The following EVC2 variants were observed in gnomAD, a reference collection of about 807,000 sequenced individuals.
The protein encoded by EVC2 is limbin.
Under a neutral mutation model 149.3 loss-of-function variants are expected in EVC2, and 148 were observed. The ratio of observed to expected loss-of-function variants is 0.99; its 90% confidence interval spans 0.87 to 1.14. EVC2 has a LOEUF of 1.14. Among genes scored for constraint, EVC2 ranks in the 50% most tolerant of loss-of-function variants. The pLI is 0.00. For missense variants in EVC2, 1,854 were observed against 1,627.3 expected (o/e 1.14, Z -2.40); for synonymous variants, 776 against 649.9 (o/e 1.19, Z -2.95).
Position 5,623,338 on chromosome 4 carries a change from A to T in EVC2, c.2047-347T>A, listed in dbSNP as rs901992765. 5.4e-4 allele frequency among the ~76,000 whole-genome samples: 79 copies of T among 145,668 alleles called. 1 individual carries two copies. The highest frequency in any genetic ancestry group is 1.4e-3 in the African/African-American group (56 of 39,386). On this transcript the variant is annotated intron_variant, in intron 13 of 21. Transcript: ENST00000344408. ...AAAAACTAATTTATTTTATTTATTT[A>T]TTTTTTTTATTTTTTTTTTGAGACA...
chr4:5,655,305 T>C (rs1250327335), intron 9 of EVC2, among the ~76,000 whole-genome samples: 1 of 152,220 alleles, frequency 6.6e-6, no homozygotes, highest in Non-Finnish European at 1.5e-5. Flanking sequence ...GCCAGCCATC[T>C]GGTGCTCCAG....
Position 5,562,653 on chromosome 4 carries a change from G to C in EVC2, c.*195C>G. 1 of 1,452,360 alleles carries C rather than the reference G, an allele frequency of 6.9e-7. No homozygotes were observed. The highest frequency in any genetic ancestry group is 1.4e-5 in the African/African-American group (1 of 70,306). 90.0% of individuals were successfully genotyped at this position (1,452,360 alleles called of 1,614,324 possible). ...GTGTTTATGTCCTTGTGATATGGAAGAGAGTGGGCCATCTGGAAATTCATG... is the reference window on the plus strand; with the variant it reads ...GTGTTTATGTCCTTGTGATATGGAACAGAGTGGGCCATCTGGAAATTCATG... On this transcript the variant is annotated 3_prime_UTR_variant, in exon 22 of 22. Transcript: ENST00000344408. The surrounding 1 kb of genome is among the most constrained non-coding windows in gnomAD (Gnocchi z 4.3).
Position 5,708,342 on chromosome 4 carries a change from G to A in EVC2, c.172C>T (p.Pro58Ser). The change falls in exon 1 of 22, where the codon CCC (proline) becomes TCC (serine). Residue 58 changes from proline to serine, a missense_variant. Coordinates refer to ENST00000344408, the MANE Select transcript of EVC2 (RefSeq NM_147127.5). ...CGCCCCGGAGGGATCCTCAGGCCGG[G>A]CCCAGACCTAGGAGCCACCTGGGGA... Reference protein sequence around the residue: ...RDPQVAPRSGPGLRIPPGRSG... With the variant: ...RDPQVAPRSGSGLRIPPGRSG... 3.4e-6 allele frequency: 5 copies of A among 1,485,296 alleles called. No individual in the cohort carries two copies. In the South Asian group the frequency reaches 5.2e-5, roughly 15 times the overall value. 92.0% of individuals were successfully genotyped at this position (1,485,296 alleles called of 1,614,324 possible). A position where few individuals can be genotyped will look rare whatever the true frequency, so the allele number is the denominator to read the frequency against.
intron 1 of EVC2, among the ~76,000 whole-genome samples, chr4:5,702,329 CT>C (rs1560239732): frequency 6.6e-6 from 1 of 152,198 alleles, no homozygotes; most frequent in Non-Finnish European, 1.5e-5. Context: ...TGATTCCTGC[CT>C]TTTTCCTGCT....
intron 9 of EVC2, among the ~76,000 whole-genome samples, chr4:5,651,023 C>A (rs1030284198): frequency 2.0e-5 from 3 of 151,952 alleles, no homozygotes; most frequent in African/African-American, 7.3e-5. Flanking sequence ...ATGATAAACA[C>A]GTGGATGGAT....
rs375737734 is a variant in EVC2, at chr4:5,677,544, C to T, written c.870+3716G>A. Among the ~76,000 whole-genome samples, 69 of 152,348 alleles carry T rather than the reference C, an allele frequency of 4.5e-4. 1 individual carries two copies. The highest frequency in any genetic ancestry group is 1.5e-3 in the African/African-American group (62 of 41,590). On this transcript the variant is annotated intron_variant, in intron 7 of 21. Coordinates refer to ENST00000344408, the MANE Select transcript of EVC2 (RefSeq NM_147127.5). This position sits in a 1 kb window ranked among gnomAD's most constrained non-coding sequence, Gnocchi z 4.3. ...TCCTCTTTCTCCTGAAGGCAACATG[C>T]AGGTGACGGGAAGCCTGGAAGACCT... is the stretch of plus-strand genomic sequence containing the variant.
rs74340274 is a variant in EVC2 at position 5,569,556 on chromosome 4, C to G, written c.3361-916G>C. On this transcript the variant is annotated intron_variant, in intron 19 of 21. Transcript: ENST00000344408. The surrounding 1 kb of genome is among the most constrained non-coding windows in gnomAD (Gnocchi z 4.8). ...TCTGTAATCCCAGCACTTTGGACAG[C>G]TGGAGAGGAAAAGAGGCCCCAGGAC... is the stretch of plus-strand genomic sequence containing the variant. Among the ~76,000 whole-genome samples, 2,515 of 152,076 alleles carry G rather than the reference C, an allele frequency of 0.017. 59 individuals are homozygous for G. The highest frequency in any genetic ancestry group is 0.057 in the African/African-American group (2,343 of 41,458).
At chr4:5,607,598 C>T (rs1465540919) in intron 16 of EVC2, among the ~76,000 whole-genome samples, 1 of 152,094 alleles carries the variant, frequency 6.6e-6, no homozygotes, top group Non-Finnish European at 1.5e-5. Context: ...ACCAGCTGTA[C>T]AGAAAAAGTG....
intron 8 of EVC2, among the ~76,000 whole-genome samples, chr4:5,664,149 G>A (rs1029584526): frequency 2.6e-5 from 4 of 152,192 alleles, no homozygotes; most frequent in African/African-American, 9.7e-5. Flanking sequence ...CAACAACGCA[G>A]TGTTGGTGCC....
chr4:5,695,724 CCTT>C (rs1454778261), intron 2 of EVC2, among the ~76,000 whole-genome samples: 9 of 152,180 alleles, frequency 5.9e-5, no homozygotes, highest in Non-Finnish European at 1.3e-4. Context: ...TGGCATTGTG[CCTT>C]CTTCAACATT....
At chr4:5,691,144 G>T in intron 4 of EVC2, 121 bp downstream of exon 4, 2 of 856,156 alleles carry the variant, frequency 2.3e-6, no homozygotes, top group Non-Finnish European at 4.0e-6. Flanking sequence ...TTGCTCATGT[G>T]TCTAGACTTG....
intron 20 of EVC2, among the ~76,000 whole-genome samples, 166 bp from the exon 21 acceptor site, chr4:5,565,525 A>G (rs763236014): frequency 7.2e-5 from 11 of 152,074 alleles, no homozygotes; most frequent in Non-Finnish European, 1.3e-4. Flanking sequence ...TACAAAAATT[A>G]GCAGGGCGTG....
intron 16 of EVC2, among the ~76,000 whole-genome samples, chr4:5,592,474 C>A (rs749086): frequency 0.18 from 27,214 of 152,116 alleles, 3,054 homozygotes; most frequent in East Asian, 0.61. Context: ...GAGAGCCCCG[C>A]CAAATACCAG....
At chr4:5,674,925 C>T (rs974340275) in intron 7 of EVC2, among the ~76,000 whole-genome samples, 16 of 152,076 alleles carry the variant, frequency 1.1e-4, no homozygotes, top group South Asian at 2.1e-4. Context: ...CAGTGGGCTT[C>T]GAATGTCCAC....
At position 5,638,928 on chromosome 4, in the gene EVC2, CA is replaced by C. The variant is rs374608270; in HGVS notation, c.1470+1585del. Among the ~76,000 whole-genome samples, 808 of 152,138 alleles carry C rather than the reference CA, an allele frequency of 5.3e-3. 8 individuals carry two copies. The highest frequency in any genetic ancestry group is 0.018 in the African/African-American group (757 of 41,518). Reference sequence around the variant, plus strand: ...TCTGGCCTCCAGAACTATTATATAACAGAAAAAAATTCTGTTGTTTTAAGCC... The same window carrying C: ...TCTGGCCTCCAGAACTATTATATAACGAAAAAAATTCTGTTGTTTTAAGCC... On this transcript the variant is annotated intron_variant, in intron 10 of 21. Coordinates refer to ENST00000344408, the MANE Select transcript of EVC2 (RefSeq NM_147127.5).
At chr4:5,586,142 G>A (rs561727034) in intron 16 of EVC2, among the ~76,000 whole-genome samples, 10 of 152,256 alleles carry the variant, frequency 6.6e-5, no homozygotes, top group African/African-American at 1.7e-4. Context: ...GATTACAGGC[G>A]TGAACCACCA....
Position 5,562,949 on chromosome 4 carries a change from T to C in EVC2, c.3826A>G (p.Arg1276Gly). 6.2e-7 allele frequency: 1 copy of C among 1,614,170 alleles called. No individual in the cohort carries two copies. The highest frequency in any genetic ancestry group is 1.1e-5 in the South Asian group (1 of 91,086). ...LNTGEKLFIF[R>G]NPKEPEISLH... The stretch of plus-strand genomic sequence containing the variant: ...GAGATCTCTGGCTCCTTTGGATTTC[T>C]GAATATAAAGAGCTTCTCTCCTGTG... The change falls in exon 22 of 22, where the codon AGA (arginine) becomes GGA (glycine). Residue 1276 changes from arginine (R) to glycine (G), a missense_variant. Transcript: ENST00000344408. This position sits in a 1 kb window ranked among gnomAD's most constrained non-coding sequence, Gnocchi z 4.3.
intron 19 of EVC2, 87 bp downstream of exon 19, chr4:5,574,598 T>C (rs1389178240): frequency 7.4e-7 from 1 of 1,349,212 alleles, no homozygotes; most frequent in Non-Finnish European, 1.1e-6. Flanking sequence ...ATCACCATCC[T>C]GGAGGTGAGG....
chr4:5,624,211 A>G (rs980778795), intron 13 of EVC2, among the ~76,000 whole-genome samples: 11 of 152,160 alleles, frequency 7.2e-5, no homozygotes, highest in African/African-American at 2.7e-4. Flanking sequence ...ATGCATAAAG[A>G]TGTCCATTAT....
Sources: gnomAD v4.1 joint callset for allele counts (sites outside exome capture counted in the v4.1 genomes callset) on GRCh38, gnomAD v4.1.1 for gene constraint, Gnocchi (gnomAD v3.1) non-coding constraint, MANE v1.5 for transcripts, NCBI Gene and HGNC (gene_info 2026-07-23, HGNC 2026-07-21) for gene names.